Variants in PGR observed in about 807,000 individuals in gnomAD.
PGR encodes the protein nuclear receptor subfamily 3 group C member 3.
PGR carries 25 observed loss-of-function variants against 76.1 expected under a neutral mutation model. The ratio of observed to expected loss-of-function variants is 0.33; its 90% CI spans 0.24 to 0.46. The LOEUF is 0.46. Ranked by LOEUF, PGR falls within the 20% of genes least tolerant of loss-of-function variation. The pLI is 1.00. For synonymous variants in PGR, 579 were observed against 535.0 expected, an observed-to-expected ratio of 1.08 and a Z score of -1.14; for missense variants, 1,172 against 1,225.3, an observed-to-expected ratio of 0.96 and a Z score of 0.65.
chr11:101,127,892 G>A lies in PGR; in HGVS notation c.1179C>T (p.Gly393=), dbSNP rs1379130. Residue 393 remains glycine, a synonymous_variant, in exon 1 of 8, where the codon GGC becomes GGT. Coordinates refer to ENST00000325455, the MANE Select transcript of PGR (RefSeq NM_000926.4). ...PALKIKEEEE[G]AEASARSPRS... ...GCGGGGAGCGCGCGGAGGCCTCCGC[G>A]CCTTCCTCCTCCTCCTTTATCTTTA... 490,566 of 1,599,908 alleles carry A rather than the reference G, an allele frequency of 0.31. 80,947 individuals carry two copies. The highest frequency in any genetic ancestry group is 0.34 in the Non-Finnish European group (403,043 of 1,175,272).
At chr11:101,098,775 G>C (rs555572) in intron 2 of PGR, among the ~76,000 whole-genome samples, 44,892 of 152,132 alleles carry the variant, frequency 0.3, 6,825 homozygotes, top group Non-Finnish European at 0.31. Flanking sequence ...GAGAGTGGCA[G>C]GGCTGAACTA....
chr11:101,069,080 C>A (rs1860824082), intron 3 of PGR, among the ~76,000 whole-genome samples: 1 of 151,942 alleles, frequency 6.6e-6, no homozygotes, highest in Non-Finnish European at 1.5e-5. Flanking sequence ...AGTGAACAGG[C>A]AACCTATAGA....
At chr11:101,086,669 T>G (rs1861512153) in intron 3 of PGR, among the ~76,000 whole-genome samples, 1 of 152,102 alleles carries the variant, frequency 6.6e-6, no homozygotes, top group African/African-American at 2.4e-5. Flanking sequence ...TTACATGATT[T>G]TATAACTAGA....
intron 3 of PGR, among the ~76,000 whole-genome samples, chr11:101,090,859 T>C (rs978613474): frequency 2.0e-5 from 3 of 152,242 alleles, no homozygotes; most frequent in African/African-American, 7.2e-5. Flanking sequence ...GTGACAGTTG[T>C]ATACGCTTTA....
chr11:101,091,778 C>A lies in PGR; in HGVS notation c.1888G>T (p.Ala630Ser), dbSNP rs1451533312. ...PACRLRKCCQAGMVLGGRKFK... is the reference protein window; with the variant it reads ...PACRLRKCCQSGMVLGGRKFK... ...GAATTACCTCCAAGGACCATGCCAG[C>A]CTGACAGCACTTTCTAAGGCGACAT... Residue 630 changes from alanine to serine, a missense_variant, in exon 3 of 8, where the codon GCT becomes TCT. Around this residue, in one of 4 missense-constraint regions of PGR, gnomAD observed 73 missense variants for 60.7 expected, o/e 1.20. Transcript: ENST00000325455. 3.8e-6 allele frequency: 6 copies of A among 1,575,926 alleles called. No homozygotes were observed. Among genetic ancestry groups the A allele is most frequent in the Non-Finnish European group, 5.2e-6 (6 of 1,145,098 alleles).
rs768018984 is a variant in PGR at position 101,030,578 on chromosome 11, T to C, written c.*8538A>G. The stretch of plus-strand genomic sequence containing the variant: ...GTGTTTTTCTCTTTGGCACTGGACC[T>C]TTCTCCTGGTCAGTTGGAGGCAGGC... On this transcript the variant is annotated 3_prime_UTR_variant, in exon 8 of 8. Transcript: ENST00000325455. The C allele has an allele frequency of 5.4e-5, 12 of 222,768 alleles. No individual in the cohort carries two copies. Among genetic ancestry groups the C allele is most frequent in the Non-Finnish European group, 1.1e-4 (12 of 111,540 alleles). 13.8% of individuals were successfully genotyped at this position (222,768 alleles called of 1,614,324 possible). A position where few individuals can be genotyped will look rare whatever the true frequency, so the allele number is the denominator to read the frequency against.
At chr11:101,115,990 CATT>C (rs1862494076) in intron 2 of PGR, among the ~76,000 whole-genome samples, 1 of 152,190 alleles carries the variant, frequency 6.6e-6, no homozygotes, top group Admixed American at 6.5e-5. Flanking sequence ...CTTAATAAAA[CATT>C]ATATTTATGC....
Position 101,075,632 on chromosome 11 carries a change from A to C in PGR, c.1907-12880T>G, listed in dbSNP as rs1007136793. Among the ~76,000 whole-genome samples, 20 of 150,632 alleles carry C rather than the reference A, an allele frequency of 1.3e-4. 1 individual carries two copies. Among genetic ancestry groups the C allele is most frequent in the Admixed American group, 2.6e-4 (4 of 15,126 alleles). On this transcript the variant is annotated intron_variant, in intron 3 of 7. Coordinates refer to ENST00000325455, the MANE Select transcript of PGR (RefSeq NM_000926.4). ...TTTAAACAAATTTACAAAAAAAAAA[A>C]CAAAAAACAACCCCATCAAAAAGTG...
chr11:101,126,483 C>T (rs188218082), intron 1 of PGR, among the ~76,000 whole-genome samples: 136 of 152,278 alleles, frequency 8.9e-4, no homozygotes, highest in Non-Finnish European at 1.7e-3. Context: ...TAGTCTTTGA[C>T]AAATGAAATG....
intron 3 of PGR, among the ~76,000 whole-genome samples, chr11:101,081,922 C>T (rs146057128): frequency 1.4e-4 from 21 of 152,254 alleles, no homozygotes; most frequent in South Asian, 4.1e-4. Context: ...TAACCTTGAA[C>T]GTAAATGGTC....
In PGR at chr11:101,129,787, T is replaced by A. The variant is rs1289428230; in HGVS notation, c.-717A>T. On this transcript the variant is annotated 5_prime_UTR_variant, in exon 1 of 8. Transcript: ENST00000325455. Reference sequence around the variant, plus strand: ...CCACACGCACAAATACAACAAGGCTTACCCCGATTAGTGACAGCTGTGGAC... The same window carrying A: ...CCACACGCACAAATACAACAAGGCTAACCCCGATTAGTGACAGCTGTGGAC... The A allele has an allele frequency of 1.1e-5, 2 of 177,576 alleles. No homozygotes were observed. The highest frequency in any genetic ancestry group is 4.7e-5 in the African/African-American group (2 of 42,286). The allele number at this position is 177,576 out of a possible 1,614,324, so 11.0% of individuals were successfully genotyped here.
At chr11:101,080,936 A>C (rs624661) in intron 3 of PGR, among the ~76,000 whole-genome samples, 17,813 of 152,146 alleles carry the variant, frequency 0.12, 1,352 homozygotes, top group Non-Finnish European at 0.16. Context: ...ATAAAGAAAA[A>C]AATTATTTTA....
At chr11:101,070,755 T>C (rs950316777) in intron 3 of PGR, among the ~76,000 whole-genome samples, 2 of 152,164 alleles carry the variant, frequency 1.3e-5, no homozygotes, top group African/African-American at 4.8e-5. Flanking sequence ...AAAGCTGCTG[T>C]AGCCAGACTG....
intron 2 of PGR, among the ~76,000 whole-genome samples, chr11:101,093,684 C>T (rs1565355165): frequency 6.6e-6 from 1 of 152,114 alleles, no homozygotes; most frequent in Non-Finnish European, 1.5e-5. Flanking sequence ...GTCTCGAACT[C>T]CCAACCTCAG....
At chr11:101,056,246 A>ACT (rs5794093) in intron 4 of PGR, among the ~76,000 whole-genome samples, 110,892 of 151,290 alleles carry the variant, frequency 0.73, 41,085 homozygotes, top group East Asian at 1. Context: ...AAAAAAAAAC[A>ACT]CTTTTCCTTT....
Position 101,076,679 on chromosome 11 carries a change from G to C in PGR, c.1907-13927C>G, listed in dbSNP as rs538825484. ...TATGAAAGGTTTTTGAGAGAGATTAGAAGTGAAAGCTTAAATATAACCTAA... is the reference window on the plus strand; with the variant it reads ...TATGAAAGGTTTTTGAGAGAGATTACAAGTGAAAGCTTAAATATAACCTAA... On this transcript the variant is annotated intron_variant, in intron 3 of 7. Transcript: ENST00000325455. Among the ~76,000 whole-genome samples, 7 of 151,756 alleles carry C rather than the reference G, an allele frequency of 4.6e-5. No homozygotes were observed. In the South Asian group the frequency reaches 1.2e-3, roughly 27 times the overall value.
rs75510008 is a variant in PGR, at chr11:101,054,771, C to T, written c.2213-3203G>A. Among the ~76,000 whole-genome samples, 1,005 of 152,202 alleles carry T rather than the reference C, an allele frequency of 6.6e-3. 5 individuals are homozygous for T. The highest frequency in any genetic ancestry group is 0.023 in the African/African-American group (966 of 41,526). On this transcript the variant is annotated intron_variant, in intron 4 of 7. Coordinates refer to ENST00000325455, the MANE Select transcript of PGR (RefSeq NM_000926.4). ...AATCACAATTCACAATGATAACTAA[C>T]TCAGTGAGTTGCTATGAGACAAATG... is the stretch of plus-strand genomic sequence containing the variant.
At chr11:101,091,977 G>A in intron 2 of PGR, 101 bp from the exon 3 acceptor site, 1 of 716,000 alleles carries the variant, frequency 1.4e-6, no homozygotes, top group East Asian at 2.7e-5. Flanking sequence ...ACATCAGCAA[G>A]TGCATGACTC....
chr11:101,116,648 G>A (rs537100044), intron 2 of PGR, among the ~76,000 whole-genome samples: 1 of 150,096 alleles, frequency 6.7e-6, no homozygotes, highest in East Asian at 2.0e-4. Context: ...GCTGAGGCAG[G>A]AGAATCACTT....
Sources: gnomAD v4.1 joint callset for allele counts (sites outside exome capture counted in the v4.1 genomes callset) on GRCh38, gnomAD v4.1.1 for gene constraint, gnomAD v4.1.1 regional missense constraint, MANE v1.5 for transcripts, NCBI Gene and HGNC (gene_info 2026-07-23, HGNC 2026-07-21) for gene names.